Variants in DLG2 observed in about 807,000 individuals in gnomAD.
DLG2 encodes disks large homolog 2.
A neutral mutation model predicts 132.5 loss-of-function variants in DLG2; 45 were observed. That is an observed-to-expected ratio of 0.34 (90% CI 0.27 to 0.44). The LOEUF is 0.44. DLG2 is among the 20% of genes least tolerant of loss of function. The pLI is 1.00. For missense variants in DLG2, 1,045 were observed against 1,196.9 expected (o/e 0.87, Z 1.87); for synonymous variants, 424 against 419.6 (o/e 1.01, Z -0.13).
intron 16 of DLG2, among the ~76,000 whole-genome samples, chr11:83,855,037 A>AAGAT (rs1257296720): frequency 1.3e-5 from 2 of 152,174 alleles, no homozygotes; most frequent in Non-Finnish European, 2.9e-5. Flanking sequence ...CTCATCAAAG[A>AAGAT]AGATAAACAG....
intron 10 of DLG2, among the ~76,000 whole-genome samples, chr11:84,084,201 CA>C (rs1594884277): frequency 1.3e-5 from 2 of 152,166 alleles, no homozygotes. Context: ...TCAGGGCTCT[CA>C]TGAGGTAAGA....
In DLG2 at chr11:83,845,114, A is replaced by G. The variant is rs2058364977; in HGVS notation, c.1566-11344T>C. On this transcript the variant is annotated intron_variant, in intron 16 of 27. Transcript: ENST00000376104. ...CCAGATCTAGTATAACGACAACCCA[A>G]AAAGGGTCTATTACCCGTGGAAGTC... 2.0e-5 allele frequency among the ~76,000 whole-genome samples: 3 copies of G among 152,026 alleles called. No homozygotes were observed. The South Asian group carries it at 6.3e-4, about 32-fold the overall frequency.
In DLG2 at chr11:85,079,024, G is replaced by GT. The variant is rs2066904847; in HGVS notation, c.357+32636_357+32637insA. Among the ~76,000 whole-genome samples, 3 of 57,148 alleles carry GT rather than the reference G, an allele frequency of 5.2e-5. No homozygotes were observed. The South Asian group carries it at 3.1e-3, about 59-fold the overall frequency. 37.5% of individuals were successfully genotyped at this position (57,148 alleles called of 152,430 possible). A position where few individuals can be genotyped will look rare whatever the true frequency, so the allele number is the denominator to read the frequency against. On this transcript the variant is annotated intron_variant, in intron 6 of 27. Coordinates refer to ENST00000376104, the MANE Select transcript of DLG2 (RefSeq NM_001142699.3). ...AAAAGCTTTCTTTTATGTGTTTTAG[G>GT]GGGGGGGTCTGAGACATCAATCAAT...
chr11:84,565,960 G>GTT (rs748005006), intron 6 of DLG2, among the ~76,000 whole-genome samples: 38,142 of 139,220 alleles, frequency 0.27, 5,723 homozygotes, highest in South Asian at 0.38. Context: ...ATATGATGAA[G>GTT]TTTTTTTTTT....
At chr11:84,298,105 A>C (rs1176867142) in intron 7 of DLG2, among the ~76,000 whole-genome samples, 3 of 152,122 alleles carry the variant, frequency 2.0e-5, no homozygotes, top group African/African-American at 7.2e-5. Flanking sequence ...CTACTTGTTA[A>C]CTTTCATATT....
intron 6 of DLG2, among the ~76,000 whole-genome samples, chr11:85,029,428 C>T (rs1566686630): frequency 6.6e-6 from 1 of 152,228 alleles, no homozygotes; most frequent in Admixed American, 6.5e-5. Context: ...GTGTTCCAAC[C>T]CCTAAGGTGT....
intron 6 of DLG2, among the ~76,000 whole-genome samples, chr11:84,715,048 C>T (rs1414309970): frequency 6.6e-6 from 1 of 151,928 alleles, no homozygotes; most frequent in Non-Finnish European, 1.5e-5. Flanking sequence ...AGGGTTAGGG[C>T]AGTTACAAAA....
chr11:83,785,255 C>T (rs1297314241), intron 18 of DLG2, among the ~76,000 whole-genome samples: 2 of 151,948 alleles, frequency 1.3e-5, no homozygotes, highest in East Asian at 1.9e-4. Context: ...AGGGTTTCAC[C>T]GTGTTAGCCA....
chr11:84,893,094 G>A (rs190530003), intron 6 of DLG2, among the ~76,000 whole-genome samples: 9 of 152,176 alleles, frequency 5.9e-5, no homozygotes, highest in East Asian at 3.9e-4. Context: ...AATTTTAAGC[G>A]CTTAGCATAT....
At chr11:84,467,781 A>G (rs1300636884) in intron 7 of DLG2, among the ~76,000 whole-genome samples, 1 of 151,520 alleles carries the variant, frequency 6.6e-6, no homozygotes, top group East Asian at 1.9e-4. Context: ...TAACACCATT[A>G]TAGTTTTATA....
chr11:85,232,518 C>G (rs188716074), intron 4 of DLG2, among the ~76,000 whole-genome samples: 2 of 151,742 alleles, frequency 1.3e-5, no homozygotes, highest in Non-Finnish European at 2.9e-5. Flanking sequence ...ACAATGTTAC[C>G]TCTTCGAAGC....
chr11:83,875,479 G>C (rs1033451605), intron 15 of DLG2, among the ~76,000 whole-genome samples: 3 of 152,060 alleles, frequency 2.0e-5, no homozygotes, highest in African/African-American at 7.2e-5. Context: ...TTTGATTCTA[G>C]AGTCATTTTA....
intron 15 of DLG2, among the ~76,000 whole-genome samples, chr11:83,886,703 G>C (rs2068010098): frequency 6.6e-6 from 1 of 151,652 alleles, no homozygotes; most frequent in Non-Finnish European, 1.5e-5. Flanking sequence ...TGGAAATAAA[G>C]CTCTCCTCAG....
intron 7 of DLG2, among the ~76,000 whole-genome samples, chr11:84,404,390 T>G (rs2098841248): frequency 6.6e-6 from 1 of 152,178 alleles, no homozygotes; most frequent in Non-Finnish European, 1.5e-5. Flanking sequence ...TTGAGAAGGC[T>G]TTCCTCAATC....
chr11:83,600,004 A>G (rs1467951276), intron 19 of DLG2, among the ~76,000 whole-genome samples: 1 of 152,226 alleles, frequency 6.6e-6, no homozygotes, highest in Non-Finnish European at 1.5e-5. Flanking sequence ...TAAATTGCCT[A>G]CAGATAAGCT....
chr11:83,984,199 T>C (rs2093041960), intron 11 of DLG2, among the ~76,000 whole-genome samples: 1 of 24,460 alleles, frequency 4.1e-5, no homozygotes, highest in Non-Finnish European at 1.5e-4. Flanking sequence ...AGATGATAGA[T>C]AGATAGATAG....
chr11:85,234,279 T>C (rs1325294852), intron 4 of DLG2, among the ~76,000 whole-genome samples: 3 of 151,816 alleles, frequency 2.0e-5, no homozygotes, highest in African/African-American at 7.3e-5. Flanking sequence ...GCTCAGAAAA[T>C]GTTAATTTTC....
intron 6 of DLG2, among the ~76,000 whole-genome samples, chr11:84,537,470 T>C (rs1048899669): frequency 6.6e-6 from 1 of 152,184 alleles, no homozygotes; most frequent in Admixed American, 6.5e-5. Context: ...AACAAACTAT[T>C]GAGTCTCATT....
At chr11:85,465,150 T>C (rs1451007622) in intron 3 of DLG2, among the ~76,000 whole-genome samples, 2 of 138,422 alleles carry the variant, frequency 1.4e-5, no homozygotes, top group Non-Finnish European at 3.1e-5. Context: ...ATATAAGATT[T>C]TTTTTTTTTT....
Sources: allele counts gnomAD v4.1 joint callset (sites outside exome capture counted in the v4.1 genomes callset), GRCh38; gene constraint gnomAD v4.1.1; transcripts MANE v1.5; gene names NCBI Gene and HGNC (gene_info 2026-07-23, HGNC 2026-07-21).